The following SGCZ variants were observed in gnomAD, a reference collection of about 807,000 sequenced individuals.
SGCZ encodes sarcoglycan zeta.
SGCZ carries 40 observed loss-of-function variants against 41.3 expected under a neutral mutation model. The observed-to-expected ratio is 0.97, with a 90% CI of 0.75 to 1.26. SGCZ has a LOEUF of 1.26. Among genes scored for constraint, SGCZ ranks in the 50% most tolerant of loss-of-function variants. The probability of loss-of-function intolerance (pLI) is 0.00; values close to 1 mark genes in which losing one functional copy is unlikely to be tolerated. For synonymous variants in SGCZ, 206 were observed against 137.5 expected (o/e 1.50, Z -3.49); for missense variants, 552 against 369.8 (o/e 1.49, Z -4.04).
At chr8:14,626,174 A>T (rs1252650434) in intron 1 of SGCZ, among the ~76,000 whole-genome samples, 1 of 152,014 alleles carries the variant, frequency 6.6e-6, no homozygotes, top group East Asian at 1.9e-4. Context: ...TTTATGTTCT[A>T]AGATACTTGT....
At chr8:14,172,796 G>C (rs4831541) in intron 4 of SGCZ, among the ~76,000 whole-genome samples, 46,977 of 151,914 alleles carry the variant, frequency 0.31, 8,024 homozygotes, top group East Asian at 0.71. Context: ...GCAATGAAAC[G>C]GAGAAAGGGA....
intron 1 of SGCZ, among the ~76,000 whole-genome samples, chr8:14,571,069 A>G (rs1006761897): frequency 1.3e-5 from 2 of 152,210 alleles, no homozygotes; most frequent in African/African-American, 4.8e-5. Context: ...TATAAAGGAA[A>G]GAGGTTTGAC....
At chr8:14,123,158 G>A (rs529186720) in intron 5 of SGCZ, among the ~76,000 whole-genome samples, 1 of 152,260 alleles carries the variant, frequency 6.6e-6, no homozygotes, top group Admixed American at 6.5e-5. Flanking sequence ...TTAAGCCTGA[G>A]ATTCCAAGAT....
At chr8:14,763,048 A>T (rs1262781223) in intron 1 of SGCZ, among the ~76,000 whole-genome samples, 2 of 152,214 alleles carry the variant, frequency 1.3e-5, no homozygotes, top group African/African-American at 4.8e-5. Flanking sequence ...ACACAATAAG[A>T]ATTAAAAATA....
chr8:14,993,225 G>C (rs919023383), intron 1 of SGCZ, among the ~76,000 whole-genome samples: 2 of 152,032 alleles, frequency 1.3e-5, no homozygotes, highest in African/African-American at 4.8e-5. Flanking sequence ...CATTATTCTT[G>C]TATGCCAGGT....
chr8:14,671,331 T>C (rs1437906802), intron 1 of SGCZ, among the ~76,000 whole-genome samples: 1 of 152,204 alleles, frequency 6.6e-6, no homozygotes, highest in Non-Finnish European at 1.5e-5. Flanking sequence ...CTAAGTTATT[T>C]AAAGGAGTTT....
intron 1 of SGCZ, among the ~76,000 whole-genome samples, chr8:15,063,535 A>G (rs1805017558): frequency 6.6e-6 from 1 of 152,198 alleles, no homozygotes; most frequent in Non-Finnish European, 1.5e-5. Context: ...TTATTCCTTT[A>G]TGACCACCAA....
chr8:14,683,546 A>C (rs1397179936), intron 1 of SGCZ, among the ~76,000 whole-genome samples: 4 of 152,198 alleles, frequency 2.6e-5, no homozygotes, highest in African/African-American at 7.2e-5. Context: ...AAATTCATCA[A>C]GTAAATTATA....
intron 2 of SGCZ, among the ~76,000 whole-genome samples, chr8:14,528,627 A>C (rs1243003284): frequency 6.6e-6 from 1 of 151,930 alleles, no homozygotes; most frequent in Non-Finnish European, 1.5e-5. Context: ...CCCTGTTCCA[A>C]CATAACCAAA....
intron 1 of SGCZ, among the ~76,000 whole-genome samples, chr8:14,831,621 CAT>C (rs1487340884): frequency 7.0e-6 from 1 of 142,146 alleles, no homozygotes; most frequent in Admixed American, 7.1e-5. Flanking sequence ...TGTGTGTACA[CAT>C]AGACACATAT....
At chr8:14,436,935 A>G (rs1337209160) in intron 2 of SGCZ, among the ~76,000 whole-genome samples, 3 of 151,484 alleles carry the variant, frequency 2.0e-5, no homozygotes, top group African/African-American at 7.4e-5. Context: ...TTTGAGCTCA[A>G]AAACTGGCAG....
chr8:14,931,434 A>G (rs1000594425), intron 1 of SGCZ, among the ~76,000 whole-genome samples: 3 of 152,060 alleles, frequency 2.0e-5, no homozygotes, highest in Non-Finnish European at 4.4e-5. Flanking sequence ...CACCTTGGAT[A>G]TATTTACTAG....
chr8:14,134,364 A>C (rs1341341000), intron 5 of SGCZ, among the ~76,000 whole-genome samples: 1 of 152,184 alleles, frequency 6.6e-6, no homozygotes, highest in Non-Finnish European at 1.5e-5. Context: ...AGGCAGCCTA[A>C]TGGCCTGTAG....
chr8:14,821,348 G>C (rs1802075944), intron 1 of SGCZ, among the ~76,000 whole-genome samples: 2 of 151,920 alleles, frequency 1.3e-5, no homozygotes, highest in South Asian at 4.1e-4. Flanking sequence ...TCAAAGTATA[G>C]CCAGGAACAT....
At chr8:14,330,840 G>A (rs1004358017) in intron 2 of SGCZ, among the ~76,000 whole-genome samples, 13 of 151,930 alleles carry the variant, frequency 8.6e-5, no homozygotes, top group East Asian at 7.8e-4. Flanking sequence ...TAGATGTATC[G>A]ATTAAAAATA....
chr8:14,209,833 CCTGTATGATTAAGTAAAATAT>C, intron 4 of SGCZ, among the ~76,000 whole-genome samples: 1 of 11,558 alleles, frequency 8.7e-5, no homozygotes, highest in Non-Finnish European at 1.2e-4. Context: ...AAAAATATAA[CCTGTATGATTAAGTAAAATAT>C]AACCTGTATG....
chr8:14,469,144 G>A (rs549456110), intron 2 of SGCZ, among the ~76,000 whole-genome samples: 1 of 152,092 alleles, frequency 6.6e-6, no homozygotes, highest in Non-Finnish European at 1.5e-5. Flanking sequence ...CTTCAATGGT[G>A]CCCTATCATT....
intron 2 of SGCZ, among the ~76,000 whole-genome samples, chr8:14,328,887 C>G (rs1475764943): frequency 6.6e-6 from 1 of 152,166 alleles, no homozygotes; most frequent in Non-Finnish European, 1.5e-5. Flanking sequence ...GTGTTTCGAC[C>G]TCTTGCTCTT....
chr8:15,213,335 CA>C (rs1245339110), intron 1 of SGCZ, among the ~76,000 whole-genome samples: 3 of 151,416 alleles, frequency 2.0e-5, no homozygotes, highest in Non-Finnish European at 4.4e-5. Context: ...AAAATATACA[CA>C]AAAAATTTTT....
Sources: allele counts gnomAD v4.1 joint callset (sites outside exome capture counted in the v4.1 genomes callset), GRCh38; gene constraint gnomAD v4.1.1; transcripts MANE v1.5; gene names NCBI Gene and HGNC (gene_info 2026-07-23, HGNC 2026-07-21).